Variants in FAM184B observed in about 807,000 individuals in gnomAD.
FAM184B encodes the protein family with sequence similarity 184 member B.
FAM184B carries 111 observed loss-of-function variants against 135.9 expected under a neutral mutation model. The observed-to-expected ratio is 0.82, with a 90% confidence interval of 0.70 to 0.96. FAM184B has a LOEUF of 0.96. FAM184B is among the 40% of genes least tolerant of loss of function. FAM184B has a pLI of 0.00. For synonymous variants in FAM184B, 552 were observed against 524.8 expected, an observed-to-expected ratio of 1.05 and a Z score of -0.71; for missense variants, 1,375 against 1,323.9, an observed-to-expected ratio of 1.04 and a Z score of -0.60.
rs1182414820 is a variant in FAM184B at position 17,646,815 on chromosome 4, G to A, written c.2346+822C>T. On this transcript the variant is annotated intron_variant, in intron 12 of 17. Transcript: ENST00000265018. Reference sequence around the variant, plus strand: ...TTATGGACTGGAGGGAGAGAGGGCTGGGCTGTTAGGAGGTGACTGCCACCC... The same window carrying A: ...TTATGGACTGGAGGGAGAGAGGGCTAGGCTGTTAGGAGGTGACTGCCACCC... Among the ~76,000 whole-genome samples the A allele has an allele frequency of 3.3e-5, 5 of 152,106 alleles. No homozygotes were observed. In the East Asian group the frequency reaches 9.6e-4, roughly 29 times the overall value.
chr4:17,701,893 G>A (rs975796457), intron 5 of FAM184B, among the ~76,000 whole-genome samples: 3 of 152,142 alleles, frequency 2.0e-5, no homozygotes, highest in Admixed American at 6.5e-5. Context: ...ATATGACTAG[G>A]GAGCACTTGA....
At chr4:17,729,436 G>A (rs549836207) in intron 1 of FAM184B, among the ~76,000 whole-genome samples, 14 of 152,296 alleles carry the variant, frequency 9.2e-5, no homozygotes, top group East Asian at 1.9e-4. Context: ...ATCTGAGAAC[G>A]GGCAGACTGC....
At chr4:17,717,723 T>G (rs1717428364) in intron 1 of FAM184B, among the ~76,000 whole-genome samples, 1 of 152,058 alleles carries the variant, frequency 6.6e-6, no homozygotes, top group Non-Finnish European at 1.5e-5. Flanking sequence ...AATTAATGGC[T>G]TTTAAGCATC....
intron 1 of FAM184B, among the ~76,000 whole-genome samples, chr4:17,741,719 A>G (rs1336039019): frequency 6.6e-6 from 1 of 152,146 alleles, no homozygotes; most frequent in East Asian, 1.9e-4. Flanking sequence ...AAGAAAACGT[A>G]AAGTCCTAGG....
chr4:17,678,669 GA>G (rs1046613266), intron 7 of FAM184B, among the ~76,000 whole-genome samples: 40 of 151,928 alleles, frequency 2.6e-4, no homozygotes, highest in African/African-American at 9.7e-4. Context: ...CCAGAACTAG[GA>G]AAAAACAAAC....
chr4:17,655,304 C>T (rs1341219353), intron 10 of FAM184B, among the ~76,000 whole-genome samples: 2 of 152,174 alleles, frequency 1.3e-5, no homozygotes, highest in Non-Finnish European at 2.9e-5. Flanking sequence ...CTTTGCAAGA[C>T]GGAGCCAAAC....
chr4:17,757,040 G>C (rs1372220619), intron 1 of FAM184B, among the ~76,000 whole-genome samples: 1 of 152,202 alleles, frequency 6.6e-6, no homozygotes, highest in Non-Finnish European at 1.5e-5. Flanking sequence ...GAGAAAATCA[G>C]ACAGTATCTT....
chr4:17,757,578 A>G (rs1273121817), intron 1 of FAM184B, among the ~76,000 whole-genome samples: 1 of 152,150 alleles, frequency 6.6e-6, no homozygotes, highest in Non-Finnish European at 1.5e-5. Flanking sequence ...ATATTTATGG[A>G]TGAAATACTT....
chr4:17,692,079 C>T (rs1481861946), intron 6 of FAM184B, among the ~76,000 whole-genome samples: 1 of 150,054 alleles, frequency 6.7e-6, no homozygotes, highest in African/African-American at 2.4e-5. Context: ...AATAACTGGG[C>T]TGGTCTCATA....
At chr4:17,720,441 A>C (rs1226276006) in intron 1 of FAM184B, among the ~76,000 whole-genome samples, 1 of 152,190 alleles carries the variant, frequency 6.6e-6, no homozygotes, top group Non-Finnish European at 1.5e-5. Context: ...TCAAAACCAC[A>C]ATGAGATAGC....
At position 17,639,298 on chromosome 4, in the gene FAM184B, C is replaced by A. The variant is rs1428708307; in HGVS notation, c.2618G>T (p.Ser873Ile). Reference protein sequence around the residue: ...KEMQAMVADFSSAQAQLQARL... With the variant: ...KEMQAMVADFISAQAQLQARL... Reference sequence around the variant, plus strand: ...GGCCTGGAGCTGGGCCTGGGCACTACTGAAATCTGCCACCATGGCCTGCAT... The same window carrying A: ...GGCCTGGAGCTGGGCCTGGGCACTAATGAAATCTGCCACCATGGCCTGCAT... Residue 873 changes from serine to isoleucine, a missense_variant, in exon 14 of 18, where the codon AGT becomes ATT. Physicochemically the swap from Ser to Ile is moderately radical, Grantham distance 142. Transcript: ENST00000265018. 6.4e-7 allele frequency: 1 copy of A among 1,551,750 alleles called. No individual in the cohort carries two copies. Among genetic ancestry groups the A allele is most frequent in the East Asian group, 2.4e-5 (1 of 40,908 alleles).
rs142019814 is a variant in FAM184B, at chr4:17,779,407, G to T, written c.141+1752C>A. 2.5e-3 allele frequency among the ~76,000 whole-genome samples: 386 copies of T among 152,310 alleles called. 3 individuals carry two copies. Among genetic ancestry groups the T allele is most frequent in the Non-Finnish European group, 2.9e-3 (196 of 68,024 alleles). On this transcript the variant is annotated intron_variant, in intron 1 of 17. Coordinates refer to ENST00000265018, the MANE Select transcript of FAM184B (RefSeq NM_015688.2). ...GACGCACTACATAAGGATCAATTGC[G>T]ATTTCTAATGCAGAATATACTTTAA...
chr4:17,678,440 A>C (rs1352866228), intron 7 of FAM184B, among the ~76,000 whole-genome samples: 1 of 152,044 alleles, frequency 6.6e-6, no homozygotes, highest in Non-Finnish European at 1.5e-5. Flanking sequence ...AAACAACCAA[A>C]CAAAAAAAAC....
At chr4:17,643,983 G>T (rs1715395273) in intron 12 of FAM184B, among the ~76,000 whole-genome samples, 1 of 152,244 alleles carries the variant, frequency 6.6e-6, no homozygotes, top group South Asian at 2.1e-4. Flanking sequence ...GACAACAAGT[G>T]CTCCAGGATC....
Position 17,652,270 on chromosome 4 carries a change from A to G in FAM184B, c.2191+560T>C, listed in dbSNP as rs575459478. Among the ~76,000 whole-genome samples, 942 of 151,322 alleles carry G rather than the reference A, an allele frequency of 6.2e-3. 6 individuals carry two copies. The highest frequency in any genetic ancestry group is 9.7e-3 in the Non-Finnish European group (661 of 67,874). On this transcript the variant is annotated intron_variant, in intron 11 of 17. Coordinates refer to ENST00000265018, the MANE Select transcript of FAM184B (RefSeq NM_015688.2). ...CTCCCGAATAGCTGGGACTACAGAC[A>G]CCTGCCACCACGCCCGGCTAATTTT...
Position 17,688,403 on chromosome 4 carries a change from T to A in FAM184B, c.1596+21A>T, listed in dbSNP as rs1189980336. On this transcript the variant is annotated intron_variant, in intron 7 of 17. Coordinates refer to ENST00000265018, the MANE Select transcript of FAM184B (RefSeq NM_015688.2). ...GAGAAAAGAAATATCTTTAATTAAA[T>A]CTGACAAAGCTGGAGGTTACCTGGG... 9.9e-6 allele frequency: 15 copies of A among 1,518,390 alleles called. No individual in the cohort carries two copies. The African/African-American group carries it at 2.0e-4, about 20-fold the overall frequency. The allele number at this position is 1,518,390 out of a possible 1,614,324, so 94.1% of individuals were successfully genotyped here.
chr4:17,699,140 TA>T (rs1475635574), intron 5 of FAM184B, among the ~76,000 whole-genome samples: 1 of 152,022 alleles, frequency 6.6e-6, no homozygotes, highest in Non-Finnish European at 1.5e-5. Context: ...AATGGGTTTT[TA>T]AAAAGATTAG....
At chr4:17,667,501 A>C (rs1250826655) in intron 7 of FAM184B, among the ~76,000 whole-genome samples, 1 of 152,192 alleles carries the variant, frequency 6.6e-6, no homozygotes, top group African/African-American at 2.4e-5. Context: ...CTTCCAGAGA[A>C]TCATCATGGA....
chr4:17,699,183 A>G (rs1341570163), intron 5 of FAM184B, among the ~76,000 whole-genome samples: 2 of 151,818 alleles, frequency 1.3e-5, no homozygotes, highest in East Asian at 3.9e-4. Context: ...GTAAACTTGA[A>G]GATACAGCAA....
Sources: allele counts gnomAD v4.1 joint callset (sites outside exome capture counted in the v4.1 genomes callset), GRCh38; gene constraint gnomAD v4.1.1; transcripts MANE v1.5; gene names NCBI Gene and HGNC (gene_info 2026-07-23, HGNC 2026-07-21).